Variants in FAM107B observed in about 807,000 individuals in gnomAD.
FAM107B encodes the protein family with sequence similarity 107 member B.
Under a neutral mutation model 31.5 loss-of-function variants are expected in FAM107B, and 21 were observed. The ratio of observed to expected loss-of-function variants is 0.67; its 90% CI spans 0.47 to 0.96. The LOEUF is 0.96. Among genes scored for constraint, FAM107B ranks in the 40% least tolerant of loss-of-function variants. The pLI is 0.00. For synonymous variants in FAM107B, 157 were observed against 141.5 expected (o/e 1.11, Z -0.78); for missense variants, 452 against 377.1 (o/e 1.20, Z -1.64).
At chr10:14,604,323 CGGCGGCCCGA>C (rs1311438165) in intron 2 of FAM107B, 9 of 949,926 alleles carry the variant, frequency 9.5e-6, no homozygotes, top group Non-Finnish European at 1.0e-5. Flanking sequence ...GACTGCTCGG[CGGCGGCCCGA>C]GGCGGCGCGA....
intron 3 of FAM107B, among the ~76,000 whole-genome samples, chr10:14,526,408 T>C (rs1369247395): frequency 1.3e-5 from 2 of 152,216 alleles, no homozygotes; most frequent in Non-Finnish European, 2.9e-5. Context: ...ACTCCTGACC[T>C]CAGGTGATCT....
chr10:14,759,189 T>A lies in FAM107B; in HGVS notation c.411+15064A>T, dbSNP rs182252938. ...GTGAAACTCTGTCTCAAAAAATAAA[T>A]AAATAAATAAATAAATAAATAAATA... is the stretch of plus-strand genomic sequence containing the variant. On this transcript the variant is annotated intron_variant, in intron 1 of 4. Coordinates refer to ENST00000181796, the MANE Select transcript of FAM107B (RefSeq NM_031453.4). Among the ~76,000 whole-genome samples the A allele has an allele frequency of 2.9e-4, 43 of 146,414 alleles. No individual in the cohort carries two copies. The East Asian group carries it at 7.8e-3, about 27-fold the overall frequency.
chr10:14,733,990 G>A (rs112485177), intron 1 of FAM107B, among the ~76,000 whole-genome samples: 4 of 152,240 alleles, frequency 2.6e-5, no homozygotes, highest in African/African-American at 9.6e-5. Flanking sequence ...CCGAAGCAAC[G>A]TGTTCAACTC....
intron 2 of FAM107B, among the ~76,000 whole-genome samples, chr10:14,632,997 G>A (rs992349832): frequency 1.3e-5 from 2 of 152,068 alleles, no homozygotes; most frequent in East Asian, 1.9e-4. Flanking sequence ...TCAGGAGTTC[G>A]AGACTAGCCT....
At chr10:14,532,031 G>A (rs1847079801) in intron 2 of FAM107B, among the ~76,000 whole-genome samples, 1 of 152,170 alleles carries the variant, frequency 6.6e-6, no homozygotes, top group African/African-American at 2.4e-5. Flanking sequence ...TTGGTCAATA[G>A]GCACCGGACC....
chr10:14,709,924 G>A (rs528611178), intron 1 of FAM107B, among the ~76,000 whole-genome samples: 3 of 152,196 alleles, frequency 2.0e-5, no homozygotes, highest in African/African-American at 7.2e-5. Flanking sequence ...TAGGGGGGAG[G>A]AGAGAGAAAA....
In FAM107B at chr10:14,545,579, C is replaced by G. The variant is rs140056288; in HGVS notation, c.470-15064G>C. 6.4e-4 allele frequency among the ~76,000 whole-genome samples: 97 copies of G among 152,328 alleles called. 1 individual carries two copies. Among genetic ancestry groups the G allele is most frequent in the African/African-American group, 2.2e-3 (90 of 41,568 alleles). On this transcript the variant is annotated intron_variant, in intron 2 of 4. Transcript: ENST00000181796. ...ACTAAACACACAAGGCACCTGTTGCCTGCTAGAGGGGAGAGGCCATGTGGC... is the reference window on the plus strand; with the variant it reads ...ACTAAACACACAAGGCACCTGTTGCGTGCTAGAGGGGAGAGGCCATGTGGC...
At chr10:14,610,094 A>G (rs541537452) in intron 2 of FAM107B, among the ~76,000 whole-genome samples, 8 of 152,366 alleles carry the variant, frequency 5.3e-5, no homozygotes, top group East Asian at 1.9e-4. Flanking sequence ...CTGTAATTCC[A>G]GCACTTCCGG....
intron 4 of FAM107B, 75 bp downstream of exon 4, chr10:14,521,794 T>G (rs1845665144): frequency 1.3e-6 from 2 of 1,562,922 alleles, no homozygotes; most frequent in Non-Finnish European, 1.7e-6. Context: ...GTCTGGTAAA[T>G]CCTGCCCGCT....
intron 1 of FAM107B, among the ~76,000 whole-genome samples, chr10:14,701,851 C>T (rs1484519564): frequency 6.6e-6 from 1 of 152,096 alleles, no homozygotes; most frequent in East Asian, 1.9e-4. Flanking sequence ...GTCCCTGGAA[C>T]CTGGAGCAGG....
In FAM107B at chr10:14,526,192, G is replaced by A. The variant is rs184764201; in HGVS notation, c.653+4140C>T. The stretch of plus-strand genomic sequence containing the variant: ...TTAGCCCTTGTTCTTTTTTTCCGGG[G>A]GGACAGAGTCTCGCTCTATTGCCCA... On this transcript the variant is annotated intron_variant, in intron 3 of 4. Transcript: ENST00000181796. Among the ~76,000 whole-genome samples, 14 of 152,136 alleles carry A rather than the reference G, an allele frequency of 9.2e-5. No individual in the cohort carries two copies. The East Asian group carries it at 2.5e-3, about 27-fold the overall frequency.
chr10:14,729,470 G>A (rs1856113295), intron 1 of FAM107B, among the ~76,000 whole-genome samples: 1 of 146,518 alleles, frequency 6.8e-6, no homozygotes, highest in South Asian at 2.2e-4. Context: ...CAGAGTTCAT[G>A]CCCTCAAGGA....
chr10:14,580,587 T>C (rs1028047139), intron 2 of FAM107B, among the ~76,000 whole-genome samples: 1 of 152,172 alleles, frequency 6.6e-6, no homozygotes, highest in East Asian at 1.9e-4. Flanking sequence ...TAAAAGAAGT[T>C]TTCCACATGG....
chr10:14,684,818 T>A (rs73602863), intron 1 of FAM107B, among the ~76,000 whole-genome samples: 1,145 of 106,358 alleles, frequency 0.011, 8 homozygotes, highest in African/African-American at 0.033. Context: ...TCAGTGACTT[T>A]TTGTTTTTCT....
chr10:14,744,600 T>G (rs1401553463), intron 1 of FAM107B, among the ~76,000 whole-genome samples: 1 of 152,246 alleles, frequency 6.6e-6, no homozygotes, highest in Non-Finnish European at 1.5e-5. Context: ...TCTATTGTGA[T>G]AATCATGTGG....
At chr10:14,732,838 T>C (rs1856204900) in intron 1 of FAM107B, among the ~76,000 whole-genome samples, 1 of 147,152 alleles carries the variant, frequency 6.8e-6, no homozygotes, top group African/African-American at 2.5e-5. Context: ...ATAATTATAA[T>C]ACATTATAGA....
At chr10:14,674,481 T>C (rs1325715388) in intron 1 of FAM107B, among the ~76,000 whole-genome samples, 1 of 152,322 alleles carries the variant, frequency 6.6e-6, no homozygotes, top group East Asian at 1.9e-4. Context: ...CACTTTGTTT[T>C]TCTCTGCAGT....
At chr10:14,759,563 C>T (rs371206016) in intron 1 of FAM107B, among the ~76,000 whole-genome samples, 5 of 152,192 alleles carry the variant, frequency 3.3e-5, no homozygotes, top group East Asian at 3.9e-4. Context: ...AGGATGGGGG[C>T]GCTGTCATTT....
chr10:14,521,829 C>T, intron 4 of FAM107B, 40 bp downstream of exon 4: 1 of 1,601,044 alleles, frequency 6.2e-7, no homozygotes, highest in East Asian at 2.2e-5. Flanking sequence ...TTCTTCAAGA[C>T]AAAAACAAAA....
Sources: allele counts gnomAD v4.1 joint callset (sites outside exome capture counted in the v4.1 genomes callset), GRCh38; gene constraint gnomAD v4.1.1; transcripts MANE v1.5; gene names NCBI Gene and HGNC (gene_info 2026-07-23, HGNC 2026-07-21).